The following THRB variants were observed in gnomAD, a reference collection of about 807,000 sequenced individuals.
The protein encoded by THRB is nuclear receptor subfamily 1 group A member 2.
Under a neutral mutation model 47.8 loss-of-function variants are expected in THRB, and 12 were observed. The ratio of observed to expected loss-of-function variants is 0.25; its 90% CI spans 0.16 to 0.41. THRB has a LOEUF of 0.41. THRB is among the 10% of genes least tolerant of loss of function. The probability of loss-of-function intolerance (pLI) is 1.00; values close to 1 mark genes in which losing one functional copy is unlikely to be tolerated. For synonymous variants in THRB, 218 were observed against 212.2 expected, an observed-to-expected ratio of 1.03 and a Z score of -0.24; for missense variants, 348 against 589.2, an observed-to-expected ratio of 0.59 and a Z score of 4.24.
intron 1 of THRB, among the ~76,000 whole-genome samples, chr3:24,352,690 C>T (rs896416193): frequency 2.0e-5 from 3 of 152,070 alleles, no homozygotes; most frequent in Non-Finnish European, 4.4e-5. Flanking sequence ...TAAATGTAAA[C>T]AGCAGGATGA....
At chr3:24,185,717 T>C (rs1335980984) in intron 5 of THRB, among the ~76,000 whole-genome samples, 4 of 152,200 alleles carry the variant, frequency 2.6e-5, no homozygotes, top group African/African-American at 9.6e-5. Context: ...TGTAAAGGCC[T>C]GACTGCCTGG....
chr3:24,426,662 C>G (rs1407549896), intron 1 of THRB, among the ~76,000 whole-genome samples: 1 of 151,936 alleles, frequency 6.6e-6, no homozygotes, highest in Non-Finnish European at 1.5e-5. Flanking sequence ...TTGTCTATAG[C>G]TGGGTTAACT....
chr3:24,487,440 G>C (rs547767491), intron 1 of THRB, among the ~76,000 whole-genome samples: 2 of 152,042 alleles, frequency 1.3e-5, no homozygotes, highest in African/African-American at 2.4e-5. Context: ...ATGCATGCTA[G>C]TATAAAAATA....
At chr3:24,479,021 G>A (rs1248576581) in intron 1 of THRB, among the ~76,000 whole-genome samples, 2 of 152,176 alleles carry the variant, frequency 1.3e-5, no homozygotes, top group South Asian at 2.1e-4. Flanking sequence ...TAATGCGGCC[G>A]GGCGCGGGGG....
At chr3:24,481,555 T>G (rs1696422948) in intron 1 of THRB, among the ~76,000 whole-genome samples, 1 of 151,984 alleles carries the variant, frequency 6.6e-6, no homozygotes, top group African/African-American at 2.4e-5. Context: ...AATATCTCAT[T>G]GACAAATAAG....
At chr3:24,386,464 G>A (rs1012300612) in intron 1 of THRB, among the ~76,000 whole-genome samples, 2 of 151,900 alleles carry the variant, frequency 1.3e-5, no homozygotes. Flanking sequence ...ATTTCACAAG[G>A]AATAAAAACC....
At chr3:24,393,310 G>C (rs1206832008) in intron 1 of THRB, among the ~76,000 whole-genome samples, 7 of 152,120 alleles carry the variant, frequency 4.6e-5, no homozygotes, top group Non-Finnish European at 7.4e-5. Flanking sequence ...AACCATGCCA[G>C]ATCCCATCAC....
intron 1 of THRB, among the ~76,000 whole-genome samples, chr3:24,338,200 A>T (rs1005743530): frequency 3.3e-5 from 5 of 152,194 alleles, no homozygotes; most frequent in Non-Finnish European, 5.9e-5. Flanking sequence ...AATTTAAAAA[A>T]GGGTATATTT....
At chr3:24,416,821 A>G (rs2068771159) in intron 1 of THRB, among the ~76,000 whole-genome samples, 1 of 151,852 alleles carries the variant, frequency 6.6e-6, no homozygotes, top group African/African-American at 2.4e-5. Context: ...AGGTGAGCCC[A>G]GGAATCTGCA....
intron 1 of THRB, among the ~76,000 whole-genome samples, chr3:24,490,800 G>A (rs1698031874): frequency 6.6e-6 from 1 of 151,858 alleles, no homozygotes; most frequent in African/African-American, 2.4e-5. Context: ...GGTTTCCTGA[G>A]CTTTATTTCT....
rs190133549 is a variant in THRB, at chr3:24,380,039, T to G, written c.-260-42668A>C. On this transcript the variant is annotated intron_variant, in intron 1 of 10. Coordinates refer to ENST00000646209, the MANE Select transcript of THRB (RefSeq NM_001354712.2). ...TTGGCCCTGGTCAATGTTCTTATGA[T>G]GTTCTTATAAATATTGTCATCATTT... Among the ~76,000 whole-genome samples the G allele has an allele frequency of 3.3e-5, 5 of 151,220 alleles. No individual in the cohort carries two copies. In the East Asian group the frequency reaches 9.8e-4, roughly 29 times the overall value.
chr3:24,213,232 T>G (rs563701624), intron 4 of THRB, among the ~76,000 whole-genome samples: 1 of 152,264 alleles, frequency 6.6e-6, no homozygotes, highest in South Asian at 2.1e-4. Flanking sequence ...CCAGTTTAGG[T>G]TTTGTCCTCT....
intron 2 of THRB, among the ~76,000 whole-genome samples, chr3:24,333,067 G>C (rs1362726719): frequency 6.6e-6 from 1 of 152,144 alleles, no homozygotes; most frequent in Non-Finnish European, 1.5e-5. Context: ...CTGGGTGACA[G>C]AGCGAGATTC....
At chr3:24,255,242 T>C (rs1480126765) in intron 3 of THRB, among the ~76,000 whole-genome samples, 1 of 152,190 alleles carries the variant, frequency 6.6e-6, no homozygotes, top group Non-Finnish European at 1.5e-5. Context: ...TACTCTTCCC[T>C]CCCTCTATGC....
At chr3:24,282,955 C>G (rs938625838) in intron 3 of THRB, among the ~76,000 whole-genome samples, 2 of 151,766 alleles carry the variant, frequency 1.3e-5, no homozygotes, top group Non-Finnish European at 2.9e-5. Context: ...ACCTTACCAA[C>G]GAAAGAGTCC....
chr3:24,464,015 G>A (rs936048888), intron 1 of THRB, among the ~76,000 whole-genome samples: 2 of 152,172 alleles, frequency 1.3e-5, no homozygotes, highest in African/African-American at 4.8e-5. Context: ...GGGAGGCCGA[G>A]GTGGGCGGAT....
At chr3:24,211,468 G>A (rs826252) in intron 4 of THRB, among the ~76,000 whole-genome samples, 1 of 151,906 alleles carries the variant, frequency 6.6e-6, no homozygotes, top group Non-Finnish European at 1.5e-5. Context: ...TGATACAGCC[G>A]ATTTGTTAGG....
chr3:24,235,046 G>C (rs142516020), intron 3 of THRB, among the ~76,000 whole-genome samples: 1 of 152,228 alleles, frequency 6.6e-6, no homozygotes, highest in Non-Finnish European at 1.5e-5. Context: ...GCCTGCTTGG[G>C]AGGCTCACCC....
At chr3:24,299,029 C>T (rs1029889311) in intron 2 of THRB, among the ~76,000 whole-genome samples, 8 of 151,728 alleles carry the variant, frequency 5.3e-5, no homozygotes, top group Non-Finnish European at 1.0e-4. Context: ...GGGCGGATCA[C>T]GAGGTCAGGA....
Sources: allele counts gnomAD v4.1 joint callset (sites outside exome capture counted in the v4.1 genomes callset), GRCh38; gene constraint gnomAD v4.1.1; transcripts MANE v1.5; gene names NCBI Gene and HGNC (gene_info 2026-07-23, HGNC 2026-07-21).